Variants in CTNNA3 observed in about 807,000 individuals in gnomAD.
CTNNA3 encodes catenin alpha-3.
Under a neutral mutation model 95.7 loss-of-function variants are expected in CTNNA3, and 76 were observed. The observed-to-expected ratio is 0.79, with a 90% confidence interval of 0.66 to 0.96. The LOEUF is 0.96. Among genes scored for constraint, CTNNA3 ranks in the 40% least tolerant of loss-of-function variants. The pLI is 0.00. For synonymous variants in CTNNA3, 431 were observed against 374.4 expected (o/e 1.15, Z -1.74); for missense variants, 1,191 against 1,089.8 (o/e 1.09, Z -1.31).
chr10:66,926,434 A>C, intron 7 of CTNNA3: 2 of 774,108 alleles, frequency 2.6e-6, no homozygotes, highest in Non-Finnish European at 4.4e-6. Flanking sequence ...ATAATGTTCC[A>C]AAATCGGTCC....
intron 11 of CTNNA3, among the ~76,000 whole-genome samples, chr10:66,401,484 T>C (rs1196561566): frequency 1.3e-5 from 2 of 148,262 alleles, no homozygotes; most frequent in Non-Finnish European, 3.0e-5. Flanking sequence ...GCCACTGCAC[T>C]TCAGCCTGGT....
chr10:67,739,095 C>A (rs1250315999), intron 1 of CTNNA3, among the ~76,000 whole-genome samples: 1 of 152,104 alleles, frequency 6.6e-6, no homozygotes, highest in Non-Finnish European at 1.5e-5. Flanking sequence ...CACAGAATGC[C>A]ACAAAGATAC....
intron 5 of CTNNA3, among the ~76,000 whole-genome samples, chr10:67,221,859 A>T (rs1419845011): frequency 6.6e-6 from 1 of 152,128 alleles, no homozygotes; most frequent in African/African-American, 2.4e-5. Context: ...CTTATTTGCT[A>T]CACAGAATGA....
At chr10:65,934,173 G>T (rs2077298893) in intron 17 of CTNNA3, among the ~76,000 whole-genome samples, 1 of 152,098 alleles carries the variant, frequency 6.6e-6, no homozygotes, top group African/African-American at 2.4e-5. Context: ...AATAAGATTT[G>T]TTACTTGCAA....
At chr10:66,190,336 A>G (rs982716588) in intron 13 of CTNNA3, among the ~76,000 whole-genome samples, 1 of 152,150 alleles carries the variant, frequency 6.6e-6, no homozygotes, top group Non-Finnish European at 1.5e-5. Context: ...CATCCAGGGG[A>G]ACAGTATTGA....
chr10:66,739,972 C>T (rs567843273), intron 9 of CTNNA3, among the ~76,000 whole-genome samples: 2 of 152,238 alleles, frequency 1.3e-5, no homozygotes, highest in East Asian at 3.9e-4. Context: ...CAACATTAAG[C>T]ACGTGCAAGA....
intron 13 of CTNNA3, among the ~76,000 whole-genome samples, chr10:66,173,216 A>G (rs776794618): frequency 3.9e-5 from 6 of 152,188 alleles, no homozygotes; most frequent in Non-Finnish European, 7.3e-5. Context: ...CTTAAAAAAC[A>G]TCTATGTTTG....
chr10:66,822,384 T>C (rs1842334069), intron 7 of CTNNA3, among the ~76,000 whole-genome samples: 1 of 152,144 alleles, frequency 6.6e-6, no homozygotes, highest in African/African-American at 2.4e-5. Context: ...TACTGATCAA[T>C]CAGGATTGGC....
intron 11 of CTNNA3, among the ~76,000 whole-genome samples, chr10:66,395,887 T>C (rs566062772): frequency 1.3e-5 from 2 of 152,118 alleles, no homozygotes; most frequent in East Asian, 1.9e-4. Context: ...ATCACCCACG[T>C]AGCAAAAATG....
chr10:66,284,163 A>T (rs1351201957), intron 12 of CTNNA3, among the ~76,000 whole-genome samples: 1 of 151,802 alleles, frequency 6.6e-6, no homozygotes, highest in Non-Finnish European at 1.5e-5. Context: ...CAAATTCAGA[A>T]CCAGTTCTGA....
intron 7 of CTNNA3, among the ~76,000 whole-genome samples, chr10:66,856,689 T>C (rs1589339697): frequency 6.6e-6 from 1 of 152,258 alleles, no homozygotes; most frequent in African/African-American, 2.4e-5. Context: ...ATATGCTTGT[T>C]GGCTGCATGT....
chr10:65,992,507 CCTAT>C (rs2078565833), intron 15 of CTNNA3, among the ~76,000 whole-genome samples: 1 of 39,794 alleles, frequency 2.5e-5, no homozygotes, highest in Non-Finnish European at 5.8e-5. Context: ...ATTCATTTCC[CCTAT>C]GTCTTCCAGT....
intron 7 of CTNNA3, among the ~76,000 whole-genome samples, chr10:67,040,833 A>G (rs573096722): frequency 6.6e-6 from 1 of 152,154 alleles, no homozygotes; most frequent in Non-Finnish European, 1.5e-5. Flanking sequence ...ATAAGCACAC[A>G]TCAGTTCAAC....
rs115702425 is a variant in CTNNA3, at chr10:66,623,089, G to A, written c.1282-1305C>T. Among the ~76,000 whole-genome samples the A allele has an allele frequency of 2.6e-5, 4 of 152,088 alleles. No individual in the cohort carries two copies. In the East Asian group the frequency reaches 7.7e-4, roughly 29 times the overall value. Reference sequence around the variant, plus strand: ...TTTCTGACACATAATTAGCACATTTGTGAGTTGTTTGAAAAGGGCAACAGT... The same window carrying A: ...TTTCTGACACATAATTAGCACATTTATGAGTTGTTTGAAAAGGGCAACAGT... On this transcript the variant is annotated intron_variant, in intron 9 of 17. Coordinates refer to ENST00000433211, the MANE Select transcript of CTNNA3 (RefSeq NM_013266.4).
At chr10:67,486,484 C>T (rs1046459828) in intron 5 of CTNNA3, among the ~76,000 whole-genome samples, 4 of 152,142 alleles carry the variant, frequency 2.6e-5, no homozygotes, top group Non-Finnish European at 5.9e-5. Flanking sequence ...GTGACTTTCA[C>T]ATCTAGTATT....
At chr10:67,171,523 G>A (rs1425845507) in intron 7 of CTNNA3, among the ~76,000 whole-genome samples, 6 of 150,532 alleles carry the variant, frequency 4.0e-5, no homozygotes, top group South Asian at 2.1e-4. Context: ...GCAGTGAGCC[G>A]AGATCACACC....
intron 7 of CTNNA3, among the ~76,000 whole-genome samples, chr10:67,123,008 G>GTAT (rs1333482793): frequency 2.0e-5 from 3 of 152,052 alleles, no homozygotes; most frequent in Admixed American, 6.6e-5. Context: ...CAGCAGGTAG[G>GTAT]TATTAGTGTA....
At chr10:66,405,196 C>T (rs2093047883) in intron 11 of CTNNA3, among the ~76,000 whole-genome samples, 1 of 152,016 alleles carries the variant, frequency 6.6e-6, no homozygotes, top group Admixed American at 6.6e-5. Context: ...AGTCAAATAA[C>T]CATGATTGCA....
At chr10:66,667,211 G>A (rs1389405270) in intron 9 of CTNNA3, among the ~76,000 whole-genome samples, 1 of 149,364 alleles carries the variant, frequency 6.7e-6, no homozygotes. Flanking sequence ...GCCTAATTTT[G>A]TTACTATAAG....
Sources: gnomAD v4.1 joint callset for allele counts (sites outside exome capture counted in the v4.1 genomes callset) on GRCh38, gnomAD v4.1.1 for gene constraint, MANE v1.5 for transcripts, NCBI Gene and HGNC (gene_info 2026-07-23, HGNC 2026-07-21) for gene names.